The following ANO4 variants were observed in gnomAD, a reference collection of about 807,000 sequenced individuals.
The protein encoded by ANO4 is anoctamin 4.
In ANO4, 69 loss-of-function variants were observed where a neutral mutation model predicts 141.9. The ratio of observed to expected loss-of-function variants is 0.49; its 90% CI spans 0.40 to 0.59. ANO4 has a LOEUF of 0.59. Among genes scored for constraint, ANO4 ranks in the 20% least tolerant of loss-of-function variants. ANO4 has a pLI of 0.00. For synonymous variants in ANO4, 350 were observed against 394.3 expected, an observed-to-expected ratio of 0.89 and a Z score of 1.33; for missense variants, 894 against 1,162.2, an observed-to-expected ratio of 0.77 and a Z score of 3.36.
chr12:100,871,092 T>G (rs547954628), intron 1 of ANO4, among the ~76,000 whole-genome samples: 1 of 152,324 alleles, frequency 6.6e-6, no homozygotes, highest in East Asian at 1.9e-4. Flanking sequence ...AGGGCTGTTC[T>G]TGATGGTCTG....
chr12:100,936,070 G>T (rs1016200841), intron 3 of ANO4, among the ~76,000 whole-genome samples: 1 of 152,144 alleles, frequency 6.6e-6, no homozygotes, highest in Non-Finnish European at 1.5e-5. Context: ...AAGTGATAAG[G>T]TTGGCTTAGT....
intron 14 of ANO4, among the ~76,000 whole-genome samples, chr12:101,055,882 G>C (rs931922804): frequency 9.2e-5 from 14 of 152,162 alleles, no homozygotes; most frequent in African/African-American, 2.9e-4. Context: ...TTTCCATGTA[G>C]ATATCCAGTT....
At chr12:101,032,377 AT>A (rs1326867090) in intron 9 of ANO4, among the ~76,000 whole-genome samples, 4 of 152,252 alleles carry the variant, frequency 2.6e-5, no homozygotes, top group Admixed American at 2.6e-4. Flanking sequence ...CGGGCTAGCC[AT>A]ATGCAGAAAA....
chr12:100,997,351 A>AAAAAT (rs3059313), intron 8 of ANO4, among the ~76,000 whole-genome samples: 1 of 150,746 alleles, frequency 6.6e-6, no homozygotes, highest in Non-Finnish European at 1.5e-5. Context: ...AAAAAAAAAA[A>AAAAAT]GTGTCTTTTC....
chr12:100,799,752 A>G (rs1006818961), intron 1 of ANO4, among the ~76,000 whole-genome samples: 4 of 152,154 alleles, frequency 2.6e-5, no homozygotes, highest in African/African-American at 4.8e-5. Context: ...AAAAAACCAA[A>G]AGGAACCTTA....
chr12:101,026,290 G>A (rs1157840286), intron 9 of ANO4, among the ~76,000 whole-genome samples: 1 of 152,090 alleles, frequency 6.6e-6, no homozygotes, highest in Non-Finnish European at 1.5e-5. Context: ...CCCCAAATAT[G>A]AAATATTAAA....
intron 9 of ANO4, among the ~76,000 whole-genome samples, chr12:101,029,239 A>G (rs927011646): frequency 2.0e-4 from 30 of 152,200 alleles, no homozygotes; most frequent in African/African-American, 6.8e-4. Context: ...ACCAAAATAT[A>G]AAGACCAATG....
intron 5 of ANO4, among the ~76,000 whole-genome samples, chr12:100,963,344 C>CCTT (rs2043506131): frequency 6.6e-6 from 1 of 152,134 alleles, no homozygotes; most frequent in African/African-American, 2.4e-5. Context: ...TAAAGGTCTA[C>CCTT]TAAGGGGGAG....
intron 2 of ANO4, among the ~76,000 whole-genome samples, chr12:100,739,372 T>C (rs2031765164): frequency 6.6e-6 from 1 of 152,048 alleles, no homozygotes. Flanking sequence ...CTTTGTACTG[T>C]AGTTAGTTGT....
At chr12:101,057,267 G>A (rs1173330921) in intron 14 of ANO4, among the ~76,000 whole-genome samples, 1 of 152,132 alleles carries the variant, frequency 6.6e-6, no homozygotes, top group Admixed American at 6.5e-5. Context: ...ATGGGCATTT[G>A]GGTTGGTTCG....
chr12:101,111,478 G>A lies in ANO4; in HGVS notation c.2303-85G>A, dbSNP rs1240885827. Reference sequence around the variant, plus strand: ...AAGATGAAGAAAGGACCCATGAAAAGGACTTTTAAAAATTAATTCCATTTT... The same window carrying A: ...AAGATGAAGAAAGGACCCATGAAAAAGACTTTTAAAAATTAATTCCATTTT... On this transcript the variant is annotated intron_variant, in intron 23 of 27. Coordinates refer to ENST00000392977, the MANE Select transcript of ANO4 (RefSeq NM_001286615.2). 3 of 1,290,930 alleles carry A rather than the reference G, an allele frequency of 2.3e-6. No individual in the cohort carries two copies. The East Asian group carries it at 7.8e-5, about 34-fold the overall frequency. The allele number at this position is 1,290,930 out of a possible 1,614,324, so 80.0% of individuals were successfully genotyped here. A position where few individuals can be genotyped will look rare whatever the true frequency, so the allele number is the denominator to read the frequency against.
intron 14 of ANO4, among the ~76,000 whole-genome samples, chr12:101,056,846 GTTTC>G (rs995362971): frequency 6.2e-5 from 7 of 112,574 alleles, no homozygotes; most frequent in African/African-American, 2.7e-4. Flanking sequence ...AGACAATCCT[GTTTC>G]TTTCTTTCTT....
intron 14 of ANO4, among the ~76,000 whole-genome samples, chr12:101,055,601 A>G (rs1004451400): frequency 6.6e-6 from 1 of 151,898 alleles, no homozygotes; most frequent in Non-Finnish European, 1.5e-5. Flanking sequence ...GTGTTTGCAA[A>G]TTTTTTTCCC....
At chr12:101,063,297 A>G (rs1321256941) in intron 14 of ANO4, among the ~76,000 whole-genome samples, 1 of 152,208 alleles carries the variant, frequency 6.6e-6, no homozygotes, top group Non-Finnish European at 1.5e-5. Flanking sequence ...CACTGATCCC[A>G]CAGACTGAAG....
At chr12:101,080,865 G>GATATATATATATTT (rs1555296491) in intron 15 of ANO4, among the ~76,000 whole-genome samples, 2 of 109,372 alleles carry the variant, frequency 1.8e-5, no homozygotes, top group African/African-American at 3.3e-5. Flanking sequence ...CTAGGTTCTA[G>GATATATATATATTT]ATATATATAT....
chr12:100,913,106 T>C (rs1383196835), intron 2 of ANO4, among the ~76,000 whole-genome samples: 2 of 152,212 alleles, frequency 1.3e-5, no homozygotes, highest in Non-Finnish European at 2.9e-5. Context: ...TAAAAATATA[T>C]ACCACATTCT....
intron 23 of ANO4, among the ~76,000 whole-genome samples, chr12:101,111,073 C>T (rs1340891791): frequency 6.6e-6 from 1 of 152,240 alleles, no homozygotes; most frequent in Non-Finnish European, 1.5e-5. Flanking sequence ...ACAGAGCAGG[C>T]AGTCACCCAG....
intron 13 of ANO4, among the ~76,000 whole-genome samples, chr12:101,044,474 G>A (rs2047544438): frequency 6.6e-6 from 1 of 152,198 alleles, no homozygotes; most frequent in Non-Finnish European, 1.5e-5. Context: ...AATAGCTGAA[G>A]TTTGAGTTTG....
At chr12:101,049,151 T>A (rs181003146) in intron 14 of ANO4, among the ~76,000 whole-genome samples, 1 of 152,322 alleles carries the variant, frequency 6.6e-6, no homozygotes, top group African/African-American at 2.4e-5. Flanking sequence ...AGACAAACTT[T>A]ATGCTATATA....
Sources: gnomAD v4.1 joint callset for allele counts (sites outside exome capture counted in the v4.1 genomes callset) on GRCh38, gnomAD v4.1.1 for gene constraint, MANE v1.5 for transcripts, NCBI Gene and HGNC (gene_info 2026-07-23, HGNC 2026-07-21) for gene names.